PRKN: variants seen among roughly 807,000 people sequenced by gnomAD.
PRKN encodes the protein E3 ubiquitin-protein ligase parkin.
In PRKN, 56 loss-of-function variants were observed where a neutral mutation model predicts 59.5. That is an observed-to-expected ratio of 0.94 (90% confidence interval 0.76 to 1.18). PRKN has a LOEUF of 1.18. PRKN is among the 50% of genes most tolerant of loss of function. The pLI is 0.00. For missense variants in PRKN, 657 were observed against 596.4 expected (o/e 1.10, Z -1.06); for synonymous variants, 250 against 222.1 (o/e 1.13, Z -1.12).
chr6:162,032,468 C>A (rs1783677796), intron 5 of PRKN, among the ~76,000 whole-genome samples: 1 of 152,054 alleles, frequency 6.6e-6, no homozygotes, highest in African/African-American at 2.4e-5. Context: ...AATCTTGAGG[C>A]AAAGTGGGGG....
rs1176449367 is a variant in PRKN at position 162,163,195 on chromosome 6, A to C, written c.534+37936T>G. ...TCTAACTTCCTGTATATGCCACGCT[A>C]GTTTCTGTATAGAATAGGTTATCAA... On this transcript the variant is annotated intron_variant, in intron 4 of 11. Transcript: ENST00000366898. Among the ~76,000 whole-genome samples the C allele has an allele frequency of 1.3e-5, 2 of 149,088 alleles. 1 individual carries two copies. Among genetic ancestry groups the C allele is most frequent in the African/African-American group, 5.0e-5 (2 of 39,648 alleles).
intron 7 of PRKN, among the ~76,000 whole-genome samples, chr6:161,602,727 T>C (rs1782151538): frequency 1.3e-5 from 2 of 152,220 alleles, no homozygotes; most frequent in South Asian, 2.1e-4. Flanking sequence ...ATTTCAACAT[T>C]TAGATCTGCA....
chr6:161,556,170 T>G (rs1780231209), intron 8 of PRKN, among the ~76,000 whole-genome samples: 2 of 152,192 alleles, frequency 1.3e-5, no homozygotes, highest in Admixed American at 1.3e-4. Flanking sequence ...ATTCATTAGC[T>G]AGGGAATTTA....
At chr6:161,682,015 G>A (rs1477379484) in intron 7 of PRKN, among the ~76,000 whole-genome samples, 1 of 152,240 alleles carries the variant, frequency 6.6e-6, no homozygotes, top group Non-Finnish European at 1.5e-5. Flanking sequence ...GAGAGTCAGG[G>A]ACGAGTGGCT....
chr6:161,547,379 T>C lies in PRKN; in HGVS notation c.1083+1475A>G, dbSNP rs75721173. Among the ~76,000 whole-genome samples, 2,813 of 152,314 alleles carry C rather than the reference T, an allele frequency of 0.018. 93 individuals are homozygous for C. The highest frequency in any genetic ancestry group is 0.063 in the African/African-American group (2,628 of 41,568). On this transcript the variant is annotated intron_variant, in intron 9 of 11. Coordinates refer to ENST00000366898, the MANE Select transcript of PRKN (RefSeq NM_004562.3). This position sits in a 1 kb window ranked among gnomAD's most constrained non-coding sequence, Gnocchi z 4.0. ...TCATGATTTGCAGCTTAAGTATGTA[T>C]GTTATTTACTTATAATTTACTTGTA...
intron 4 of PRKN, among the ~76,000 whole-genome samples, chr6:162,105,138 C>T (rs913164917): frequency 1.8e-4 from 28 of 152,180 alleles, no homozygotes; most frequent in African/African-American, 6.5e-4. Context: ...CCCACCTTGA[C>T]ATATTTTATG....
In PRKN at chr6:162,188,575, A is replaced by T. The variant is rs115951028; in HGVS notation, c.534+12556T>A. ...AGCACATTCACCTTCTAATTTCAGG[A>T]TCTTCTTTCATAGTCTTGCCATACC... On this transcript the variant is annotated intron_variant, in intron 4 of 11. Coordinates refer to ENST00000366898, the MANE Select transcript of PRKN (RefSeq NM_004562.3). 6.0e-3 allele frequency among the ~76,000 whole-genome samples: 914 copies of T among 152,244 alleles called. 6 individuals carry two copies. The highest frequency in any genetic ancestry group is 0.021 in the African/African-American group (883 of 41,534).
At chr6:162,698,906 G>A (rs1259514637) in intron 1 of PRKN, among the ~76,000 whole-genome samples, 1 of 152,178 alleles carries the variant, frequency 6.6e-6, no homozygotes. Context: ...TGATCAGAGA[G>A]TGATACTCAA....
At chr6:162,626,302 G>C (rs1485729631) in intron 1 of PRKN, among the ~76,000 whole-genome samples, 1 of 152,162 alleles carries the variant, frequency 6.6e-6, no homozygotes, top group African/African-American at 2.4e-5. Flanking sequence ...TTGAAAGGTA[G>C]AGAATGACTG....
intron 6 of PRKN, among the ~76,000 whole-genome samples, chr6:161,957,455 T>A (rs1780221762): frequency 1.4e-5 from 2 of 147,362 alleles, no homozygotes; most frequent in Non-Finnish European, 3.0e-5. Flanking sequence ...AGCCAGAGTC[T>A]CACTCTGTCA....
chr6:162,109,709 C>G (rs1181584127), intron 4 of PRKN, among the ~76,000 whole-genome samples: 1 of 152,222 alleles, frequency 6.6e-6, no homozygotes, highest in Non-Finnish European at 1.5e-5. Context: ...CTTGGCCAAG[C>G]TCTTCCTCTC....
intron 6 of PRKN, among the ~76,000 whole-genome samples, chr6:161,878,830 G>A (rs1375033296): frequency 6.6e-6 from 1 of 152,100 alleles, no homozygotes; most frequent in East Asian, 1.9e-4. Flanking sequence ...CACCTCTTTG[G>A]TGAAGATATG....
chr6:162,143,972 G>A (rs924325613), intron 4 of PRKN, among the ~76,000 whole-genome samples: 3 of 152,152 alleles, frequency 2.0e-5, no homozygotes, highest in African/African-American at 7.2e-5. Context: ...AGAACGGATG[G>A]CATATTTGAT....
intron 4 of PRKN, among the ~76,000 whole-genome samples, chr6:162,157,798 C>T: frequency 6.6e-6 from 1 of 152,020 alleles, no homozygotes; most frequent in East Asian, 1.9e-4. Flanking sequence ...CCTCCAACTA[C>T]AGCCAAGTTG....
chr6:162,041,161 G>C (rs1784056800), intron 5 of PRKN, among the ~76,000 whole-genome samples: 1 of 152,030 alleles, frequency 6.6e-6, no homozygotes, highest in Admixed American at 6.6e-5. Context: ...CTCCAGCCTA[G>C]GTGACAGAGT....
intron 7 of PRKN, among the ~76,000 whole-genome samples, chr6:161,772,118 T>C (rs2128202910): frequency 6.6e-6 from 1 of 152,296 alleles, no homozygotes; most frequent in Middle Eastern, 3.4e-3. Flanking sequence ...CTGTGGGTGA[T>C]GATGATGGCG....
rs1290499683 is a variant in PRKN at position 161,575,143 on chromosome 6, G to C, written c.872-5727C>G. Among the ~76,000 whole-genome samples the C allele has an allele frequency of 6.6e-6, 1 of 152,162 alleles. No homozygotes were observed. The highest frequency in any genetic ancestry group is 2.4e-5 in the African/African-American group (1 of 41,434). ...GCTCATTGGTGTTCAATGAATACCA[G>C]CTTTTTGGTGTTAAAAATGAATAAG... On this transcript the variant is annotated intron_variant, in intron 7 of 11. Transcript: ENST00000366898. This position sits in a 1 kb window ranked among gnomAD's most constrained non-coding sequence, Gnocchi z 4.6.
chr6:161,979,208 A>C (rs1369673329), intron 5 of PRKN, among the ~76,000 whole-genome samples: 2 of 152,180 alleles, frequency 1.3e-5, no homozygotes, highest in Non-Finnish European at 2.9e-5. Context: ...ACTTGAAAAA[A>C]ATAAGGCTTT....
intron 1 of PRKN, among the ~76,000 whole-genome samples, chr6:162,619,349 T>C (rs912219919): frequency 1.3e-5 from 2 of 151,184 alleles, no homozygotes; most frequent in African/African-American, 4.9e-5. Context: ...GGTTTCACCA[T>C]GTTGGCTAGG....
Sources: allele counts gnomAD v4.1 joint callset (sites outside exome capture counted in the v4.1 genomes callset), GRCh38; gene constraint gnomAD v4.1.1; non-coding constraint Gnocchi (gnomAD v3.1); transcripts MANE v1.5; gene names NCBI Gene and HGNC (gene_info 2026-07-23, HGNC 2026-07-21).